The following ANKRD36C variants were observed in gnomAD, a reference collection of about 807,000 sequenced individuals.
ANKRD36C encodes the protein ankyrin repeat domain-containing protein 36C.
Under a neutral mutation model 276.4 loss-of-function variants are expected in ANKRD36C, and 61 were observed. The observed-to-expected ratio is 0.22, with a 90% CI of 0.18 to 0.27. The LOEUF (loss-of-function observed/expected upper bound fraction) is 0.27, where lower values mean the gene tolerates loss of function less well. Among genes scored for constraint, ANKRD36C ranks in the 10% least tolerant of loss-of-function variants. The pLI is 1.00. For synonymous variants in ANKRD36C, 483 were observed against 680.1 expected, an observed-to-expected ratio of 0.71 and a Z score of 4.51; for missense variants, 1,447 against 2,032.3, an observed-to-expected ratio of 0.71 and a Z score of 5.54.
At chr2:95,861,244 T>C (rs1292740977) in intron 60 of ANKRD36C, among the ~76,000 whole-genome samples, 1 of 151,902 alleles carries the variant, frequency 6.6e-6, no homozygotes, top group South Asian at 2.1e-4. Context: ...AATTACATTG[T>C]CACAAATAAA....
chr2:95,943,652 A>C (rs912812183), intron 19 of ANKRD36C, among the ~76,000 whole-genome samples: 1 of 151,852 alleles, frequency 6.6e-6, no homozygotes, highest in African/African-American at 2.4e-5. Flanking sequence ...CAACTTAGGA[A>C]TATACCAAAT....
chr2:95,912,371 T>C, intron 41 of ANKRD36C, 36 bp downstream of exon 43: 2 of 1,603,656 alleles, frequency 1.2e-6, no homozygotes, highest in Non-Finnish European at 1.7e-6. Flanking sequence ...AGGCTTTACG[T>C]TTACTAGCTC....
rs1186358879 is a variant in ANKRD36C at position 95,908,587 on chromosome 2, T to G, written c.2653+3657A>C. The G allele has an allele frequency of 5.1e-6, 8 of 1,564,228 alleles. No individual in the cohort carries two copies. Among genetic ancestry groups the G allele is most frequent in the Non-Finnish European group, 6.1e-6 (7 of 1,151,408 alleles). On this transcript the variant is annotated intron_variant, in intron 42 of 66. Coordinates refer to ENST00000456556, the Ensembl canonical transcript of ANKRD36C. ...CATCTCTTGTAGCCTGAATGGAATT[T>G]GAAATGCAATAATAAATTAATAAAG...
Position 95,914,296 on chromosome 2 carries a change from A to T in ANKRD36C, c.2457T>A (p.Ser819=), listed in dbSNP as rs1178906828. Residue 819 remains serine (S), a synonymous_variant, in exon 39 of 67, where the codon TCT becomes TCA. Transcript: ENST00000456556. ...TTACCTTCAAGCCTGCTGGTTTCTC[A>T]GAAGTCACTGAAAAGTAAAAGGGAT... 1.9e-6 allele frequency: 3 copies of T among 1,549,290 alleles called. No homozygotes were observed. In the East Asian group the frequency reaches 7.3e-5, roughly 38 times the overall value.
intron 60 of ANKRD36C, among the ~76,000 whole-genome samples, chr2:95,861,962 T>C (rs1393741314): frequency 1.3e-5 from 2 of 148,626 alleles, no homozygotes; most frequent in Non-Finnish European, 3.0e-5. Flanking sequence ...GTAGATTTCA[T>C]AGCAAAAAAA....
At position 95,897,417 on chromosome 2, in the gene ANKRD36C, A is replaced by C; in HGVS notation, c.2755+1728T>G. ...GACTATACATTTACTAGTTCACAAT[A>C]TAAATGACAGTTTCATTACCTTCAA... On this transcript the variant is annotated intron_variant, in intron 44 of 66. Coordinates refer to ENST00000456556, the Ensembl canonical transcript of ANKRD36C. The C allele has an allele frequency of 6.5e-7, 1 of 1,543,780 alleles. No individual in the cohort carries two copies. The highest frequency in any genetic ancestry group is 8.8e-7 in the Non-Finnish European group (1 of 1,140,448).
chr2:95,855,123 A>G, intron 63 of ANKRD36C, 143 bp downstream of exon 83: 1 of 1,278,772 alleles, frequency 7.8e-7, no homozygotes, highest in South Asian at 1.6e-5. Context: ...CTTGCTGGAG[A>G]CAAGGAATGT....
intron 59 of ANKRD36C, among the ~76,000 whole-genome samples, chr2:95,871,451 C>T (rs1400715724): frequency 1.3e-5 from 2 of 152,072 alleles, no homozygotes; most frequent in African/African-American, 4.8e-5. Flanking sequence ...AAATACTTTA[C>T]AGACAAGCAA....
Position 95,882,249 on chromosome 2 carries a change from C to T in ANKRD36C, c.3367+53G>A, listed in dbSNP as rs3968788. ...CCTGCTGATCTATTCAGGGGTGGGA[C>T]ATTGTCTTCTATCTTGAGTGCACAT... is the stretch of plus-strand genomic sequence containing the variant. On this transcript the variant is annotated intron_variant, in intron 56 of 66. Coordinates refer to ENST00000456556, the Ensembl canonical transcript of ANKRD36C. 3.9e-6 allele frequency: 6 copies of T among 1,544,792 alleles called. No homozygotes were observed. In the South Asian group the frequency reaches 7.2e-5, roughly 18 times the overall value.
At chr2:95,867,184 A>G (rs945821984) in intron 60 of ANKRD36C, among the ~76,000 whole-genome samples, 3 of 152,220 alleles carry the variant, frequency 2.0e-5, no homozygotes, top group Non-Finnish European at 4.4e-5. Flanking sequence ...TAAAGGGGTA[A>G]TGGCATAGAA....
intron 44 of ANKRD36C, chr2:95,893,575 T>C (rs1371370669): frequency 1.9e-6 from 3 of 1,566,292 alleles, no homozygotes; most frequent in Middle Eastern, 3.6e-4. Flanking sequence ...CTGGCTATAT[T>C]CAAAACAGAA....
intron 20 of ANKRD36C, among the ~76,000 whole-genome samples, chr2:95,940,179 C>T (rs192351751): frequency 8.4e-4 from 127 of 151,976 alleles, no homozygotes; most frequent in Non-Finnish European, 1.3e-3. Context: ...CATGCCATCA[C>T]GCCTGGCTAA....
intron 65 of ANKRD36C, 25 bp downstream of exon 85, chr2:95,852,101 T>G (rs560733914): frequency 1.3e-4 from 214 of 1,594,306 alleles, no homozygotes; most frequent in Non-Finnish European, 1.8e-4. Context: ...ACTCAAGTTA[T>G]TTTGTGTGCT....
chr2:95,877,227 C>T (rs1675977265), intron 58 of ANKRD36C, among the ~76,000 whole-genome samples: 1 of 152,178 alleles, frequency 6.6e-6, no homozygotes, highest in Non-Finnish European at 1.5e-5. Context: ...ACTGTTTACA[C>T]TTTCATCAGT....
intron 52 of ANKRD36C, among the ~76,000 whole-genome samples, chr2:95,885,449 C>T (rs1231473199): frequency 6.6e-6 from 1 of 151,464 alleles, no homozygotes; most frequent in Non-Finnish European, 1.5e-5. Flanking sequence ...TCCAGTAGTT[C>T]TTGGAGAAGC....
In ANKRD36C at chr2:95,897,099, G is replaced by C. The variant is rs1057119744; in HGVS notation, c.2755+2046C>G. Among the ~76,000 whole-genome samples, 6 of 150,396 alleles carry C rather than the reference G, an allele frequency of 4.0e-5. 1 individual carries two copies. Among genetic ancestry groups the C allele is most frequent in the South Asian group, 4.2e-4 (2 of 4,780 alleles). ...TGTATAATCTTACGGCGAAGATCACGTTCCAGACCAGCAGCATCATCATCA... is the reference window on the plus strand; with the variant it reads ...TGTATAATCTTACGGCGAAGATCACCTTCCAGACCAGCAGCATCATCATCA... On this transcript the variant is annotated intron_variant, in intron 44 of 66. Coordinates refer to ENST00000456556, the Ensembl canonical transcript of ANKRD36C.
chr2:95,960,601 A>C (rs763693145), intron 9 of ANKRD36C, 38 bp downstream of exon 9: 64 of 1,352,256 alleles, frequency 4.7e-5, no homozygotes, highest in Non-Finnish European at 5.9e-5. Flanking sequence ...CATAGACTAT[A>C]CAGTTAATTA....
intron 59 of ANKRD36C, among the ~76,000 whole-genome samples, chr2:95,875,424 G>T (rs1411860541): frequency 6.7e-6 from 1 of 149,488 alleles, no homozygotes; most frequent in Non-Finnish European, 1.5e-5. Context: ...GTAAACTATC[G>T]CAAGGACAAA....
chr2:95,859,240 G>GGCA (rs1374844977), intron 61 of ANKRD36C, among the ~76,000 whole-genome samples: 1 of 151,920 alleles, frequency 6.6e-6, no homozygotes, highest in Non-Finnish European at 1.5e-5. Flanking sequence ...CACTATGTTG[G>GGCA]GCAGACTGGT....
Sources: allele counts gnomAD v4.1 joint callset (sites outside exome capture counted in the v4.1 genomes callset), GRCh38; gene constraint gnomAD v4.1.1; transcripts MANE v1.5; gene names NCBI Gene and HGNC (gene_info 2026-07-23, HGNC 2026-07-21).